KXD1: variants seen among roughly 807,000 people sequenced by gnomAD.
KXD1 encodes KxDL motif containing 1, also known as kxDL motif-containing protein 1.
A neutral mutation model predicts 12.1 loss-of-function variants in KXD1; 5 were observed. The ratio of observed to expected loss-of-function variants is 0.41; its 90% CI spans 0.22 to 0.87. The LOEUF is 0.87. KXD1 is among the 40% of genes least tolerant of loss of function. The probability of loss-of-function intolerance (pLI) is 0.31; values close to 1 mark genes in which losing one functional copy is unlikely to be tolerated. For missense variants in KXD1, 193 were observed against 244.9 expected (o/e 0.79, Z 1.41); for synonymous variants, 98 against 100.5 (o/e 0.98, Z 0.15).
chr19:18,562,013 C>G, intron 1 of KXD1, 23 bp from the exon 2 acceptor site: 7 of 1,530,956 alleles, frequency 4.6e-6, no homozygotes, highest in Non-Finnish European at 6.3e-6. Flanking sequence ...TAGTGCAGAC[C>G]ACTCTGTTCT....
chr19:18,563,861 T>C (rs1261664937), intron 2 of KXD1, among the ~76,000 whole-genome samples: 1 of 151,534 alleles, frequency 6.6e-6, no homozygotes, highest in African/African-American at 2.4e-5. Flanking sequence ...CCTCAAGTGA[T>C]CCACCCTGCC....
intron 3 of KXD1, 109 bp downstream of exon 3, chr19:18,565,130 C>T (rs1975143181): frequency 1.3e-6 from 2 of 1,522,582 alleles, no homozygotes; most frequent in Admixed American, 2.0e-5. Flanking sequence ...GTTTGTTTTA[C>T]AAGGCTTCAC....
chr19:18,565,141 T>G (rs781591763), intron 3 of KXD1, 120 bp downstream of exon 3: 3 of 1,503,408 alleles, frequency 2.0e-6, no homozygotes, highest in Non-Finnish European at 1.8e-6. Flanking sequence ...AAGGCTTCAC[T>G]GCGCACTTAA....
chr19:18,567,312 T>G, intron 4 of KXD1, 134 bp downstream of exon 4: 1 of 902,192 alleles, frequency 1.1e-6, no homozygotes, highest in Admixed American at 2.1e-5. Context: ...AAACCTGGGG[T>G]GGGGGCAGGG....
chr19:18,567,190 G>A lies in KXD1; in HGVS notation c.301+12G>A, dbSNP rs768004992. 2.6e-5 allele frequency: 42 copies of A among 1,613,954 alleles called. No individual in the cohort carries two copies. The Admixed American group carries it at 5.7e-4, about 22-fold the overall frequency. ...AGAGGCCTTCAGCCGTAAGTGTCAC[G>A]CAGGGTTCCTGCTCCCGAGCACGTC... On this transcript the variant is annotated intron_variant, in intron 4 of 4. Transcript: ENST00000222307.
chr19:18,568,915 T>C lies in KXD1; in HGVS notation c.*284T>C, dbSNP rs779772327. 7.8e-4 allele frequency: 362 copies of C among 467,050 alleles called. 2 individuals are homozygous for C. Among genetic ancestry groups the C allele is most frequent in the Non-Finnish European group, 1.4e-4 (37 of 257,762 alleles). The allele number at this position is 467,050 out of a possible 1,614,324, so 28.9% of individuals were successfully genotyped here. A position where few individuals can be genotyped will look rare whatever the true frequency, so the allele number is the denominator to read the frequency against. On this transcript the variant is annotated 3_prime_UTR_variant, in exon 5 of 5. Coordinates refer to ENST00000222307, the MANE Select transcript of KXD1 (RefSeq NM_024069.4). ...CGTGGGGCTGGGCACAGGGGAATTT[T>C]TCCAGAGCTGAGCCTGACGTCTGCT...
intron 2 of KXD1, among the ~76,000 whole-genome samples, 184 bp downstream of exon 2, chr19:18,562,341 G>A (rs1974957226): frequency 1.3e-5 from 2 of 152,244 alleles, no homozygotes; most frequent in African/African-American, 4.8e-5. Context: ...CAGGAAGCAG[G>A]GCTTTGGGGA....
intron 4 of KXD1, among the ~76,000 whole-genome samples, chr19:18,568,182 G>T (rs146516426): frequency 6.6e-6 from 1 of 151,092 alleles, no homozygotes; most frequent in South Asian, 2.1e-4. Context: ...CAGAAGAATC[G>T]CTTGAACCCG....
chr19:18,565,833 G>A (rs1029488537), intron 3 of KXD1, among the ~76,000 whole-genome samples: 12 of 152,132 alleles, frequency 7.9e-5, no homozygotes, highest in Admixed American at 2.6e-4. Flanking sequence ...GACTACAGGC[G>A]CATGCTGCCA....
rs192020139 is a variant in KXD1 at position 18,566,900 on chromosome 19, T to C, written c.255-232T>C. 8.9e-4 allele frequency among the ~76,000 whole-genome samples: 135 copies of C among 151,914 alleles called. 1 individual carries two copies. Among genetic ancestry groups the C allele is most frequent in the African/African-American group, 2.9e-3 (119 of 41,428 alleles). On this transcript the variant is annotated intron_variant, in intron 3 of 4. Coordinates refer to ENST00000222307, the MANE Select transcript of KXD1 (RefSeq NM_024069.4). ...CTCAGAGCACCCAGAGTCTAACTAG[T>C]TGGGGGTTGGTGCCTACCTTGGGGC... is the stretch of plus-strand genomic sequence containing the variant.
chr19:18,565,281 G>A (rs1012015270), intron 3 of KXD1: 136 of 958,446 alleles, frequency 1.4e-4, no homozygotes, highest in Admixed American at 1.7e-4. Context: ...CCAGGCTGGA[G>A]TGCAGTGGCG....
chr19:18,562,533 T>A (rs1051756933), intron 2 of KXD1, among the ~76,000 whole-genome samples: 1 of 152,236 alleles, frequency 6.6e-6, no homozygotes, highest in African/African-American at 2.4e-5. Context: ...TGACCTTGCC[T>A]CACTGCAACC....
chr19:18,559,980 C>T (rs1974862406), intron 1 of KXD1: 1 of 118,036 alleles, frequency 8.5e-6, no homozygotes, highest in Non-Finnish European at 1.7e-5. Context: ...TCTCTCTCTC[C>T]CTTCCTTCCT....
chr19:18,561,941 G>A (rs1974934059), intron 1 of KXD1, 95 bp from the exon 2 acceptor site: 1 of 689,172 alleles, frequency 1.5e-6, no homozygotes, highest in Non-Finnish European at 2.4e-6. Context: ...CACCACGGTT[G>A]GGTTAGGTTC....
intron 2 of KXD1, 97 bp downstream of exon 2, chr19:18,562,254 T>C (rs140184286): frequency 1.1e-6 from 1 of 878,310 alleles, no homozygotes; most frequent in East Asian, 3.0e-5. Flanking sequence ...ACACTGGTGA[T>C]AAAATGAAGG....
chr19:18,567,322 G>T, intron 4 of KXD1, 144 bp downstream of exon 4: 1 of 813,910 alleles, frequency 1.2e-6, no homozygotes, highest in Non-Finnish European at 2.1e-6. Flanking sequence ...TGGGGGCAGG[G>T]TCAGGGTGCT....
intron 2 of KXD1, among the ~76,000 whole-genome samples, chr19:18,564,578 G>A (rs758969528): frequency 6.6e-5 from 10 of 152,152 alleles, no homozygotes; most frequent in South Asian, 2.1e-4. Context: ...AGCCGAGATC[G>A]CGCCACTGCA....
intron 4 of KXD1, among the ~76,000 whole-genome samples, chr19:18,567,544 A>G (rs577383751): frequency 4.6e-5 from 7 of 152,324 alleles, no homozygotes; most frequent in African/African-American, 1.7e-4. Context: ...GATCTGTCCC[A>G]TGTCCAGCTG....
intron 2 of KXD1, among the ~76,000 whole-genome samples, chr19:18,564,245 G>T (rs1024589252): frequency 3.3e-5 from 5 of 152,124 alleles, no homozygotes; most frequent in African/African-American, 7.2e-5. Flanking sequence ...AGACTGAGGG[G>T]AGACAAAGCC....
Sources: gnomAD v4.1 joint callset for allele counts (sites outside exome capture counted in the v4.1 genomes callset) on GRCh38, gnomAD v4.1.1 for gene constraint, MANE v1.5 for transcripts, NCBI Gene and HGNC (gene_info 2026-07-23, HGNC 2026-07-21) for gene names.